PDZRN4: variants seen among roughly 807,000 people sequenced by gnomAD.
The protein encoded by PDZRN4 is PDZ domain containing ring finger 4.
In PDZRN4, 70 loss-of-function variants were observed where a neutral mutation model predicts 99.0. That is an observed-to-expected ratio of 0.71 (90% confidence interval 0.58 to 0.86). The LOEUF (loss-of-function observed/expected upper bound fraction) is 0.86, where lower values mean the gene tolerates loss of function less well. Among genes scored for constraint, PDZRN4 ranks in the 40% least tolerant of loss-of-function variants. The probability of loss-of-function intolerance (pLI) is 0.00; values close to 1 mark genes in which losing one functional copy is unlikely to be tolerated. For synonymous variants in PDZRN4, 551 were observed against 501.6 expected, an observed-to-expected ratio of 1.10 and a Z score of -1.32; for missense variants, 1,474 against 1,331.2, an observed-to-expected ratio of 1.11 and a Z score of -1.67.
intron 3 of PDZRN4, among the ~76,000 whole-genome samples, chr12:41,433,566 G>C (rs1952602852): frequency 6.6e-6 from 1 of 152,232 alleles, no homozygotes; most frequent in Admixed American, 6.5e-5. Flanking sequence ...GGCAGGCAGA[G>C]TTGGAAGATC....
chr12:41,547,623 T>G (rs10459287), intron 5 of PDZRN4, among the ~76,000 whole-genome samples: 21,146 of 151,998 alleles, frequency 0.14, 1,940 homozygotes, highest in Non-Finnish European at 0.2. Flanking sequence ...AGACTCTGTC[T>G]CAAAAAAAGA....
chr12:41,401,607 G>A (rs1050204694), intron 3 of PDZRN4, among the ~76,000 whole-genome samples: 4 of 151,860 alleles, frequency 2.6e-5, no homozygotes, highest in Non-Finnish European at 4.4e-5. Flanking sequence ...TCTCTTCTTT[G>A]CCATTCTAGT....
At chr12:41,451,845 CAA>C (rs1264207510) in intron 3 of PDZRN4, among the ~76,000 whole-genome samples, 4 of 151,946 alleles carry the variant, frequency 2.6e-5, no homozygotes, top group African/African-American at 9.7e-5. Context: ...TTCCTCACAC[CAA>C]AGATACCTCA....
intron 3 of PDZRN4, among the ~76,000 whole-genome samples, chr12:41,400,643 T>G (rs974077612): frequency 6.6e-6 from 1 of 152,096 alleles, no homozygotes; most frequent in Non-Finnish European, 1.5e-5. Flanking sequence ...GGGGATGTAG[T>G]CAGGGGAAGA....
intron 5 of PDZRN4, among the ~76,000 whole-genome samples, chr12:41,514,525 C>T (rs1344441212): frequency 1.3e-5 from 2 of 152,048 alleles, no homozygotes; most frequent in Non-Finnish European, 2.9e-5. Context: ...AAGTCCCTAG[C>T]ATGATGCATG....
intron 3 of PDZRN4, among the ~76,000 whole-genome samples, chr12:41,320,433 G>A (rs1592010625): frequency 6.6e-6 from 1 of 152,182 alleles, no homozygotes; most frequent in South Asian, 2.1e-4. Context: ...TATGGCCATC[G>A]GTTTTCTATC....
chr12:41,242,425 T>A (rs1369454146), intron 3 of PDZRN4, among the ~76,000 whole-genome samples: 1 of 152,202 alleles, frequency 6.6e-6, no homozygotes, highest in Non-Finnish European at 1.5e-5. Context: ...AATATGTATA[T>A]CCATAAATGT....
At chr12:41,435,090 AGCATTT>A (rs1331810545) in intron 3 of PDZRN4, among the ~76,000 whole-genome samples, 3 of 152,194 alleles carry the variant, frequency 2.0e-5, no homozygotes, top group African/African-American at 4.8e-5. Context: ...GGCCAAGGGC[AGCATTT>A]GATACATGAT....
chr12:41,446,975 TG>T (rs1369442464), intron 3 of PDZRN4, among the ~76,000 whole-genome samples: 1 of 151,856 alleles, frequency 6.6e-6, no homozygotes, highest in Non-Finnish European at 1.5e-5. Context: ...GGACATATTT[TG>T]GGGTAATGGG....
chr12:41,462,848 G>A (rs887341077), intron 3 of PDZRN4, among the ~76,000 whole-genome samples: 2 of 151,858 alleles, frequency 1.3e-5, no homozygotes, highest in South Asian at 2.1e-4. Flanking sequence ...AGTGATATTA[G>A]CAAGAACAAT....
At chr12:41,326,840 T>C (rs1951712345) in intron 3 of PDZRN4, among the ~76,000 whole-genome samples, 1 of 152,158 alleles carries the variant, frequency 6.6e-6, no homozygotes, top group Non-Finnish European at 1.5e-5. Flanking sequence ...AAGTAAAATA[T>C]CATTAGCTAA....
intron 3 of PDZRN4, among the ~76,000 whole-genome samples, chr12:41,298,680 A>C (rs1398916457): frequency 6.6e-6 from 1 of 152,178 alleles, no homozygotes. Context: ...ATTTTAAATT[A>C]GTTCTGATAC....
intron 6 of PDZRN4, among the ~76,000 whole-genome samples, chr12:41,554,984 G>A (rs142855057): frequency 0.016 from 2,480 of 150,422 alleles, 52 homozygotes; most frequent in East Asian, 0.047. Context: ...CAAGGCGGGC[G>A]GATCACAAGG....
intron 5 of PDZRN4, among the ~76,000 whole-genome samples, chr12:41,530,729 C>T (rs1420584808): frequency 1.3e-5 from 2 of 152,154 alleles, no homozygotes; most frequent in African/African-American, 4.8e-5. Context: ...TCCCAGAGCA[C>T]CACATTCTCA....
intron 3 of PDZRN4, among the ~76,000 whole-genome samples, chr12:41,455,672 G>C (rs1952811908): frequency 6.6e-6 from 1 of 152,152 alleles, no homozygotes; most frequent in African/African-American, 2.4e-5. Flanking sequence ...AATCTGAGAA[G>C]TCCTTATGAA....
chr12:41,218,991 C>T (rs1242781767), intron 3 of PDZRN4, among the ~76,000 whole-genome samples: 1 of 151,584 alleles, frequency 6.6e-6, no homozygotes, highest in Non-Finnish European at 1.5e-5. Flanking sequence ...CTAAAATATT[C>T]CTAGATCTAG....
chr12:41,296,893 C>A, intron 3 of PDZRN4, among the ~76,000 whole-genome samples: 1 of 151,978 alleles, frequency 6.6e-6, no homozygotes, highest in East Asian at 1.9e-4. Flanking sequence ...AGGAGGTTGA[C>A]ACTGCAGTGA....
intron 3 of PDZRN4, among the ~76,000 whole-genome samples, chr12:41,461,157 C>T (rs1436724637): frequency 6.6e-6 from 1 of 151,770 alleles, no homozygotes; most frequent in Non-Finnish European, 1.5e-5. Context: ...ATGACAAGCA[C>T]AAAAGCAACA....
chr12:41,245,510 A>G (rs1308612538), intron 3 of PDZRN4, among the ~76,000 whole-genome samples: 1 of 152,156 alleles, frequency 6.6e-6, no homozygotes, highest in South Asian at 2.1e-4. Context: ...TATACACTGA[A>G]ATATATATGG....
Sources: gnomAD v4.1 joint callset for allele counts (sites outside exome capture counted in the v4.1 genomes callset) on GRCh38, gnomAD v4.1.1 for gene constraint, MANE v1.5 for transcripts, NCBI Gene and HGNC (gene_info 2026-07-23, HGNC 2026-07-21) for gene names.